SEC11A: variants seen among roughly 807,000 people sequenced by gnomAD.
The protein encoded by SEC11A is SEC11 homolog A, signal peptidase complex subunit, also known as signal peptidase complex catalytic subunit SEC11A.
Under a neutral mutation model 25.6 loss-of-function variants are expected in SEC11A, and 14 were observed. The ratio of observed to expected loss-of-function variants is 0.55; its 90% CI spans 0.36 to 0.85. The LOEUF (loss-of-function observed/expected upper bound fraction) is 0.85. Ranked by LOEUF, SEC11A falls within the 40% of genes least tolerant of loss-of-function variation. The pLI is 0.01. For synonymous variants in SEC11A, 83 were observed against 76.4 expected (o/e 1.09, Z -0.45); for missense variants, 153 against 222.9 (o/e 0.69, Z 2.00).
At position 84,691,543 on chromosome 15, in the gene SEC11A, C is replaced by G. The variant is rs749734813; in HGVS notation, c.153G>C (p.Val51=). 3.8e-6 allele frequency: 6 copies of G among 1,593,660 alleles called. No individual in the cohort carries two copies. The highest frequency in any genetic ancestry group is 5.2e-6 in the Non-Finnish European group (6 of 1,162,752). The change falls in exon 2 of 6, where the codon GTG becomes GTC. Residue 51 remains valine (V), a synonymous_variant. Transcript: ENST00000268220. ...VITGSESPIV[V]VLSGSMEPAF... ...AAAGGAAAAACTGTTACCTGAGCACCACTACAATCGGACTTTCACTTCCAG... is the reference window on the plus strand; with the variant it reads ...AAAGGAAAAACTGTTACCTGAGCACGACTACAATCGGACTTTCACTTCCAG...
chr15:84,714,777 G>A (rs913328559), intron 1 of SEC11A: 4 of 152,152 alleles, frequency 2.6e-5, no homozygotes, highest in African/African-American at 9.7e-5. Context: ...GCTCAAAAAA[G>A]TTATTGTTTT....
chr15:84,687,874 G>T, intron 2 of SEC11A, 100 bp from the exon 3 acceptor site: 1 of 972,072 alleles, frequency 1.0e-6, no homozygotes, highest in Non-Finnish European at 1.5e-6. Context: ...CACTTTGGGA[G>T]TATACTCAAT....
At chr15:84,701,939 C>T (rs890846279) in intron 1 of SEC11A, among the ~76,000 whole-genome samples, 1 of 151,302 alleles carries the variant, frequency 6.6e-6, no homozygotes, top group Non-Finnish European at 1.5e-5. Flanking sequence ...TGGTGGCGTG[C>T]GGCTGTAGTC....
intron 3 of SEC11A, among the ~76,000 whole-genome samples, chr15:84,687,193 TAATAGAGAAGGA>T (rs1404842680): frequency 6.6e-6 from 1 of 152,082 alleles, no homozygotes; most frequent in East Asian, 1.9e-4. Flanking sequence ...TGTTTTGTTT[TAATAGAGAAGGA>T]GTCTCACCAT....
chr15:84,678,062 T>C (rs1897187430), intron 4 of SEC11A, among the ~76,000 whole-genome samples: 1 of 152,118 alleles, frequency 6.6e-6, no homozygotes, highest in Non-Finnish European at 1.5e-5. Flanking sequence ...CCAGGAATTG[T>C]GGCACACACC....
chr15:84,675,965 A>G (rs1167814275), intron 4 of SEC11A, among the ~76,000 whole-genome samples: 1 of 152,210 alleles, frequency 6.6e-6, no homozygotes, highest in Non-Finnish European at 1.5e-5. Flanking sequence ...ACAAAGACAG[A>G]AAGCAGATTA....
At chr15:84,681,299 C>G (rs529796448) in intron 3 of SEC11A, among the ~76,000 whole-genome samples, 1 of 152,260 alleles carries the variant, frequency 6.6e-6, no homozygotes, top group Admixed American at 6.5e-5. Context: ...TAATGACTTG[C>G]AAGGAACAAA....
At chr15:84,712,070 A>G (rs1294358583) in intron 1 of SEC11A, among the ~76,000 whole-genome samples, 1 of 152,014 alleles carries the variant, frequency 6.6e-6, no homozygotes, top group Admixed American at 6.6e-5. Context: ...GCGAGACTCC[A>G]TCTCTACAAA....
chr15:84,670,521 G>T, intron 5 of SEC11A: 2 of 355,070 alleles, frequency 5.6e-6, no homozygotes, highest in Non-Finnish European at 1.0e-5. Context: ...TTACAGGCGT[G>T]AGCCACTGCG....
chr15:84,671,095 T>C (rs778150853), intron 4 of SEC11A: 8 of 194,874 alleles, frequency 4.1e-5, no homozygotes, highest in Non-Finnish European at 7.3e-5. Flanking sequence ...GATACAGTGC[T>C]AGGGGCTAGG....
At chr15:84,715,767 C>T (rs183348512) in intron 1 of SEC11A, among the ~76,000 whole-genome samples, 45 of 152,340 alleles carry the variant, frequency 3.0e-4, no homozygotes, top group African/African-American at 1.1e-3. Context: ...TCCATTTGCT[C>T]CCCTGCCTCA....
At position 84,716,078 on chromosome 15, in the gene SEC11A, CG is replaced by C; in HGVS notation, c.-4del. 6.2e-7 allele frequency: 1 copy of C among 1,613,480 alleles called. No individual in the cohort carries two copies. Among genetic ancestry groups the C allele is most frequent in the Non-Finnish European group, 8.5e-7 (1 of 1,179,654 alleles). On this transcript the variant is annotated 5_prime_UTR_variant, in exon 1 of 6. Coordinates refer to ENST00000268220, the MANE Select transcript of SEC11A (RefSeq NM_014300.4). ...TCCAAAAAGTCTAGAGACAGCATGGCGGGGACGGCGAGCAGGACACCGGCAG... is the reference window on the plus strand; with the variant it reads ...TCCAAAAAGTCTAGAGACAGCATGGCGGGACGGCGAGCAGGACACCGGCAG...
chr15:84,703,371 A>T (rs1898004563), intron 1 of SEC11A, among the ~76,000 whole-genome samples: 1 of 152,220 alleles, frequency 6.6e-6, no homozygotes, highest in Non-Finnish European at 1.5e-5. Flanking sequence ...TCTTGAAGAC[A>T]CAAGTAAATA....
chr15:84,689,581 T>A (rs1365515423), intron 2 of SEC11A, among the ~76,000 whole-genome samples: 2 of 150,854 alleles, frequency 1.3e-5, no homozygotes, highest in African/African-American at 4.9e-5. Flanking sequence ...GCCCAAAATA[T>A]GACAAAACTG....
intron 4 of SEC11A, among the ~76,000 whole-genome samples, chr15:84,676,585 T>A (rs1416353339): frequency 6.6e-6 from 1 of 150,996 alleles, no homozygotes; most frequent in Non-Finnish European, 1.5e-5. Flanking sequence ...ACCGCCTGGC[T>A]AACATGGTGA....
At chr15:84,708,019 C>A (rs968106251) in intron 1 of SEC11A, among the ~76,000 whole-genome samples, 2 of 151,812 alleles carry the variant, frequency 1.3e-5, no homozygotes, top group Non-Finnish European at 2.9e-5. Context: ...ACCAGCCTGG[C>A]CAACATGGTG....
At chr15:84,713,068 C>T (rs1283284685) in intron 1 of SEC11A, among the ~76,000 whole-genome samples, 3 of 151,930 alleles carry the variant, frequency 2.0e-5, no homozygotes, top group African/African-American at 7.3e-5. Context: ...GTGGCGGGTG[C>T]CTGTAGTCCC....
rs753176436 is a variant in SEC11A at position 84,716,100 on chromosome 15, G to A, written c.-25C>T. The A allele has an allele frequency of 2.7e-5, 44 of 1,612,248 alleles. No homozygotes were observed. Among genetic ancestry groups the A allele is most frequent in the Non-Finnish European group, 3.3e-5 (39 of 1,178,878 alleles). ...TGGCGGGGACGGCGAGCAGGACACC[G>A]GCAGGGGAAAGGGCGCGATGACCAG... is the stretch of plus-strand genomic sequence containing the variant. On this transcript the variant is annotated 5_prime_UTR_variant, in exon 1 of 6. Coordinates refer to ENST00000268220, the MANE Select transcript of SEC11A (RefSeq NM_014300.4).
chr15:84,687,833 A>G, intron 2 of SEC11A, 59 bp from the exon 3 acceptor site: 2 of 1,385,382 alleles, frequency 1.4e-6, no homozygotes, highest in Non-Finnish European at 2.0e-6. Flanking sequence ...ATGTACTTTC[A>G]AAATTAGATA....
Sources: allele counts gnomAD v4.1 joint callset (sites outside exome capture counted in the v4.1 genomes callset), GRCh38; gene constraint gnomAD v4.1.1; transcripts MANE v1.5; gene names NCBI Gene and HGNC (gene_info 2026-07-23, HGNC 2026-07-21).